The following SLA variants were observed in gnomAD, a reference collection of about 807,000 sequenced individuals.
SLA encodes src-like-adapter.
SLA carries 16 observed loss-of-function variants against 30.3 expected under a neutral mutation model. That is an observed-to-expected ratio of 0.53 (90% CI 0.36 to 0.80). The LOEUF is 0.80. Among genes scored for constraint, SLA ranks in the 30% least tolerant of loss-of-function variants. The pLI is 0.01. For missense variants in SLA, 310 were observed against 345.2 expected (o/e 0.90, Z 0.81); for synonymous variants, 143 against 137.8 (o/e 1.04, Z -0.26).
chr8:133,046,049 C>T (rs560258498), intron 6 of SLA, among the ~76,000 whole-genome samples: 2 of 152,256 alleles, frequency 1.3e-5, no homozygotes, highest in African/African-American at 2.4e-5. Context: ...CCTTAAGCCT[C>T]GTTAGAGCAA....
In SLA at chr8:133,038,214, G is replaced by C. The variant is rs1030782516; in HGVS notation, c.*310C>G. 2 of 377,574 alleles carry C rather than the reference G, an allele frequency of 5.3e-6. No homozygotes were observed. The highest frequency in any genetic ancestry group is 4.2e-5 in the African/African-American group (2 of 47,998). The allele number at this position is 377,574 out of a possible 1,614,324, so 23.4% of individuals were successfully genotyped here. A position where few individuals can be genotyped will look rare whatever the true frequency, so the allele number is the denominator to read the frequency against. On this transcript the variant is annotated 3_prime_UTR_variant, in exon 9 of 9. Transcript: ENST00000338087. ...GAGAGCAGTCCTGGTGCCCTTTCTT[G>C]TGAGAGTGGCTTTGTCCTTCCCACA...
chr8:133,101,901 C>T (rs74628042), intron 1 of SLA, among the ~76,000 whole-genome samples: 5,570 of 152,236 alleles, frequency 0.037, 338 homozygotes, highest in African/African-American at 0.13. Context: ...GGTCATGTGT[C>T]AACACAGCAG....
intron 1 of SLA, among the ~76,000 whole-genome samples, chr8:133,078,198 T>TG (rs1220122413): frequency 6.6e-6 from 1 of 152,018 alleles, no homozygotes; most frequent in African/African-American, 2.4e-5. Flanking sequence ...AGGAACTGGT[T>TG]TGTGGTCTGT....
At chr8:133,083,404 G>A (rs928456197) in intron 1 of SLA, among the ~76,000 whole-genome samples, 2 of 152,156 alleles carry the variant, frequency 1.3e-5, no homozygotes, top group African/African-American at 4.8e-5. Context: ...AAATGAATGA[G>A]GTAAATATTC....
intron 1 of SLA, among the ~76,000 whole-genome samples, chr8:133,076,993 G>A (rs1281003349): frequency 1.3e-5 from 2 of 152,118 alleles, no homozygotes; most frequent in African/African-American, 4.8e-5. Context: ...TATCAATTAT[G>A]GCGACCCATC....
intron 6 of SLA, 175 bp downstream of exon 6, chr8:133,047,655 C>T: frequency 1.6e-6 from 1 of 630,188 alleles, no homozygotes; most frequent in South Asian, 1.8e-5. Context: ...GTCTCTAGTC[C>T]CCTTGCTTCC....
intron 2 of SLA, among the ~76,000 whole-genome samples, chr8:133,067,929 GAGAA>G (rs1280204854): frequency 6.7e-6 from 1 of 148,674 alleles, no homozygotes; most frequent in South Asian, 2.1e-4. Flanking sequence ...GAGAGAGAGA[GAGAA>G]AGAAAGAAAG....
At chr8:133,086,337 A>G (rs1476647256) in intron 1 of SLA, among the ~76,000 whole-genome samples, 1 of 152,242 alleles carries the variant, frequency 6.6e-6, no homozygotes, top group African/African-American at 2.4e-5. Context: ...TAAGTGGGTG[A>G]ATTCTGTGGT....
chr8:133,075,336 C>T (rs532944858), intron 1 of SLA, among the ~76,000 whole-genome samples: 2 of 152,230 alleles, frequency 1.3e-5, no homozygotes, highest in African/African-American at 4.8e-5. Context: ...TCTCTGATTT[C>T]GGTTTCCCAA....
intron 7 of SLA, among the ~76,000 whole-genome samples, chr8:133,042,685 T>C (rs1258185554): frequency 1.5e-4 from 18 of 116,918 alleles, no homozygotes; most frequent in South Asian, 3.1e-4. Context: ...TGTCTTTTTT[T>C]TTTTTTTTTT....
intron 1 of SLA, among the ~76,000 whole-genome samples, chr8:133,082,103 T>C (rs900317899): frequency 2.0e-5 from 3 of 152,198 alleles, no homozygotes; most frequent in African/African-American, 7.2e-5. Flanking sequence ...AGTCTTCCCA[T>C]GTATGTGGTG....
chr8:133,071,154 G>C (rs1357736659), intron 2 of SLA, among the ~76,000 whole-genome samples: 1 of 152,194 alleles, frequency 6.6e-6, no homozygotes, highest in African/African-American at 2.4e-5. Context: ...CAACAGGAGA[G>C]GGGGCACCAG....
intron 1 of SLA, among the ~76,000 whole-genome samples, chr8:133,098,841 C>T: frequency 6.6e-6 from 1 of 152,114 alleles, no homozygotes; most frequent in Non-Finnish European, 1.5e-5. Context: ...TATGCCCGTT[C>T]ATTGTGAGAG....
chr8:133,060,945 A>T (rs1263285912), intron 2 of SLA, among the ~76,000 whole-genome samples: 1 of 152,194 alleles, frequency 6.6e-6, no homozygotes, highest in Non-Finnish European at 1.5e-5. Flanking sequence ...TTTCAAGTTA[A>T]CCACCCAGGC....
In SLA at chr8:133,075,096, A is replaced by G; in HGVS notation, c.-284T>C. On this transcript the variant is annotated 5_prime_UTR_variant, in exon 2 of 9. An upstream open reading frame in the 5' UTR loses its in-frame stop. Coordinates refer to ENST00000338087, the MANE Select transcript of SLA (RefSeq NM_001045556.3). ...TGCAGAAGGGCAGGTTCCTGTTTTC[A>G]GTAACCACTCTGAGCAAGCTTCTCT... The G allele has an allele frequency of 1.0e-6, 1 of 985,480 alleles. No individual in the cohort carries two copies. Among genetic ancestry groups the G allele is most frequent in the Non-Finnish European group, 1.2e-6 (1 of 829,934 alleles). The allele number at this position is 985,480 out of a possible 1,614,324, so 61.0% of individuals were successfully genotyped here.
intron 1 of SLA, chr8:133,096,292 G>A (rs968425957): frequency 1.2e-6 from 2 of 1,614,226 alleles, no homozygotes; most frequent in Non-Finnish European, 1.7e-6. Flanking sequence ...GAGCACTGAA[G>A]AGGTCTTTAT....
At chr8:133,056,580 C>T (rs148714255) in intron 3 of SLA, among the ~76,000 whole-genome samples, 14 of 152,314 alleles carry the variant, frequency 9.2e-5, no homozygotes, top group African/African-American at 2.9e-4. Context: ...CAGCTGTCTC[C>T]TCTGAGCTGT....
intron 7 of SLA, 131 bp from the exon 8 acceptor site, chr8:133,040,261 G>T: frequency 1.0e-6 from 1 of 989,670 alleles, no homozygotes; most frequent in Non-Finnish European, 1.5e-6. Flanking sequence ...AGATTTCAAA[G>T]GGGCATGGTA....
intron 2 of SLA, among the ~76,000 whole-genome samples, chr8:133,066,277 G>T (rs1384173193): frequency 7.3e-6 from 1 of 136,338 alleles, no homozygotes; most frequent in East Asian, 2.2e-4. Context: ...AGTGAGCTGA[G>T]ATCTCGCCAC....
Sources: gnomAD v4.1 joint callset for allele counts (sites outside exome capture counted in the v4.1 genomes callset) on GRCh38, gnomAD v4.1.1 for gene constraint, MANE v1.5 for transcripts, NCBI Gene and HGNC (gene_info 2026-07-23, HGNC 2026-07-21) for gene names.